LAMC2: variants seen among roughly 807,000 people sequenced by gnomAD.
LAMC2 encodes the protein laminin subunit gamma-2.
LAMC2 carries 97 observed loss-of-function variants against 140.2 expected under a neutral mutation model. The observed-to-expected ratio is 0.69, with a 90% CI of 0.59 to 0.82. The LOEUF (loss-of-function observed/expected upper bound fraction) is 0.82, where lower values mean the gene tolerates loss of function less well. Among genes scored for constraint, LAMC2 ranks in the 40% least tolerant of loss-of-function variants. The pLI is 0.00. For missense variants in LAMC2, 1,402 were observed against 1,476.1 expected, an observed-to-expected ratio of 0.95 and a Z score of 0.82; for synonymous variants, 513 against 540.2, an observed-to-expected ratio of 0.95 and a Z score of 0.70.
At position 183,228,380 on chromosome 1, in the gene LAMC2, G is replaced by T; in HGVS notation, c.1475G>T (p.Arg492Leu). The change falls in exon 11 of 23, where the codon CGC becomes CTC. Residue 492 changes from arginine (R) to leucine (L), a missense_variant. By Grantham distance (102) the Arg-to-Leu change is moderately radical. This residue lies in a region of LAMC2 where 723 missense variants were observed against 783.3 expected (regional missense o/e 0.92). Coordinates refer to ENST00000264144, the MANE Select transcript of LAMC2 (RefSeq NM_005562.3). The surrounding 1 kb of genome is among the most constrained non-coding windows in gnomAD (Gnocchi z 4.3). ...GTCATTTGTTCCTTCCCAGGTGCCC[G>T]CTGTGAGCTCTGTGCTGATGGCTAC... ...NNCPPGVTGA[R>L]CELCADGYFG... is the part of the protein sequence containing the mutation. The T allele has an allele frequency of 1.9e-6, 3 of 1,614,084 alleles. No individual in the cohort carries two copies. The highest frequency in any genetic ancestry group is 2.5e-6 in the Non-Finnish European group (3 of 1,180,018).
chr1:183,255,190 C>T, the LAMC2 span, among the ~76,000 whole-genome samples: 1 of 152,058 alleles, frequency 6.6e-6, no homozygotes, highest in Non-Finnish European at 1.5e-5. Context: ...CTTTATTGTG[C>T]TTTTTTGGTA....
At chr1:183,212,144 A>G (rs1443034977) in intron 2 of LAMC2, among the ~76,000 whole-genome samples, 1 of 152,208 alleles carries the variant, frequency 6.6e-6, no homozygotes, top group Admixed American at 6.5e-5. Context: ...CTGAAAAACT[A>G]CTGCAGGGAG....
intron 5 of LAMC2, 94 bp from the exon 6 acceptor site, chr1:183,221,995 C>A: frequency 6.7e-7 from 1 of 1,483,912 alleles, no homozygotes; most frequent in Non-Finnish European, 9.4e-7. Flanking sequence ...TTTCTACTCA[C>A]CACTAGGACT....
chr1:183,239,679 C>A, intron 20 of LAMC2, 116 bp downstream of exon 20: 1 of 838,854 alleles, frequency 1.2e-6, no homozygotes, highest in Non-Finnish European at 1.9e-6. Context: ...CCTGTTGTGG[C>A]CCATGGGAGC....
chr1:183,228,693 G>C lies in LAMC2; in HGVS notation c.1714+74G>C. 6.3e-7 allele frequency: 1 copy of C among 1,577,630 alleles called. No homozygotes were observed. ...ATGCACTTGCTTGCCATCTAAGCAG[G>C]GACAATGGCAGTTCATATCATGATG... is the stretch of plus-strand genomic sequence containing the variant. On this transcript the variant is annotated intron_variant, in intron 11 of 22. Coordinates refer to ENST00000264144, the MANE Select transcript of LAMC2 (RefSeq NM_005562.3). This position sits in a 1 kb window ranked among gnomAD's most constrained non-coding sequence, Gnocchi z 4.3.
At position 183,232,802 on chromosome 1, in the gene LAMC2, T is replaced by G; in HGVS notation, c.2165T>G (p.Leu722Arg). The G allele has an allele frequency of 6.2e-7, 1 of 1,614,170 alleles. No individual in the cohort carries two copies. Among genetic ancestry groups the G allele is most frequent in the Non-Finnish European group, 8.5e-7 (1 of 1,180,014 alleles). ...AACCGAGTTCGGGATACTCACAGGCTCATCACTCAGATGCAGCTGAGCCTG... is the reference window on the plus strand; with the variant it reads ...AACCGAGTTCGGGATACTCACAGGCGCATCACTCAGATGCAGCTGAGCCTG... ...YQNRVRDTHRLITQMQLSLAE... is the reference protein window; with the variant it reads ...YQNRVRDTHRRITQMQLSLAE... Residue 722 changes from leucine (L) to arginine (R), a missense_variant, in exon 14 of 23, where the codon CTC becomes CGC. By Grantham distance (102) the Leu-to-Arg change is moderately radical. Transcript: ENST00000264144.
At position 183,225,664 on chromosome 1, in the gene LAMC2, G is replaced by A. The variant is rs34076098; in HGVS notation, c.1010G>A (p.Arg337Gln). Reference sequence around the variant, plus strand: ...CCCCAGCTGAGTTACTTTGAGTATCGAAGGTTACTGCGGAATCTCACAGCC... The same window carrying A: ...CCCCAGCTGAGTTACTTTGAGTATCAAAGGTTACTGCGGAATCTCACAGCC... ...WSPQLSYFEY[R>Q]RLLRNLTALR... Residue 337 changes from arginine (R) to glutamine (Q), a missense_variant, in exon 8 of 23, where the codon CGA becomes CAA. Physicochemically the swap from Arg to Gln is conservative, Grantham distance 43. Around this residue, in one of 3 missense-constraint regions of LAMC2, gnomAD observed 723 missense variants for 783.3 expected, o/e 0.92. Coordinates refer to ENST00000264144, the MANE Select transcript of LAMC2 (RefSeq NM_005562.3). 63 of 1,614,022 alleles carry A rather than the reference G, an allele frequency of 3.9e-5. No individual in the cohort carries two copies. The highest frequency in any genetic ancestry group is 1.6e-4 in the East Asian group (7 of 44,884).
At chr1:183,197,852 G>A (rs1189119804) in intron 1 of LAMC2, among the ~76,000 whole-genome samples, 1 of 152,102 alleles carries the variant, frequency 6.6e-6, no homozygotes, top group African/African-American at 2.4e-5. Flanking sequence ...GGGAGACTCA[G>A]ACTGAGACGT....
At chr1:183,212,545 A>G (rs1333682505) in intron 2 of LAMC2, among the ~76,000 whole-genome samples, 1 of 152,038 alleles carries the variant, frequency 6.6e-6, no homozygotes, top group Non-Finnish European at 1.5e-5. Context: ...ATCCTCTCTT[A>G]ATAGATGGGC....
At chr1:183,237,013 C>G (rs181295184) in intron 17 of LAMC2, among the ~76,000 whole-genome samples, 3 of 152,186 alleles carry the variant, frequency 2.0e-5, no homozygotes, top group Admixed American at 2.0e-4. Flanking sequence ...CAATTCCAAA[C>G]TTATTCGATT....
chr1:183,197,347 T>C (rs1444416312), intron 1 of LAMC2, among the ~76,000 whole-genome samples: 2 of 152,044 alleles, frequency 1.3e-5, no homozygotes, highest in South Asian at 2.1e-4. Flanking sequence ...TTTAAACAGG[T>C]TTTGTGTAAA....
rs141948501 is a variant in LAMC2, at chr1:183,210,202, T to G, written c.268+2133T>G. On this transcript the variant is annotated intron_variant, in intron 2 of 22. Transcript: ENST00000264144. ...AGTAAGAGTTCAGGACCAGGTTTGTTGACATCAAAGGTAATAATGTAGAGT... is the reference window on the plus strand; with the variant it reads ...AGTAAGAGTTCAGGACCAGGTTTGTGGACATCAAAGGTAATAATGTAGAGT... Among the ~76,000 whole-genome samples, 738 of 152,228 alleles carry G rather than the reference T, an allele frequency of 4.8e-3. 6 individuals are homozygous for G. Among genetic ancestry groups the G allele is most frequent in the Middle Eastern group, 0.044 (13 of 294 alleles).
Position 183,225,622 on chromosome 1 carries a change from C to A in LAMC2, c.968C>A (p.Pro323Gln). Residue 323 changes from proline to glutamine, a missense_variant, in exon 8 of 23, where the codon CCA becomes CAA. By Grantham distance (76) the Pro-to-Gln change is moderately conservative. This residue lies in a region of LAMC2 where 723 missense variants were observed against 783.3 expected (regional missense o/e 0.92). Coordinates refer to ENST00000264144, the MANE Select transcript of LAMC2 (RefSeq NM_005562.3). ...AAATTATGCAGGTTAAATGAGCATC[C>A]AAGCAATAATTGGAGCCCCCAGCTG... Reference protein sequence around the residue: ...KTYTFRLNEHPSNNWSPQLSY... With the variant: ...KTYTFRLNEHQSNNWSPQLSY... The A allele has an allele frequency of 6.2e-7, 1 of 1,612,636 alleles. No homozygotes were observed. The highest frequency in any genetic ancestry group is 8.5e-7 in the Non-Finnish European group (1 of 1,178,658).
intron 19 of LAMC2, among the ~76,000 whole-genome samples, chr1:183,238,702 C>T (rs894012584): frequency 6.6e-6 from 1 of 152,208 alleles, no homozygotes; most frequent in Non-Finnish European, 1.5e-5. Context: ...CTTTCCAGAA[C>T]CTAGTATCTT....
downstream of LAMC2, among the ~76,000 whole-genome samples, chr1:183,246,118 C>G (rs1313366839): frequency 1.4e-5 from 2 of 145,978 alleles, no homozygotes; most frequent in Non-Finnish European, 3.0e-5. Context: ...TGCAGTGAGC[C>G]AAGCTCATGC....
rs539826838 is a variant in LAMC2 at position 183,191,570 on chromosome 1, G to A, written c.79+5139G>A. On this transcript the variant is annotated intron_variant, in intron 1 of 22. Transcript: ENST00000264144. Reference sequence around the variant, plus strand: ...CTTGAATCATCTATTAGAGATCAGTGTAGAGGGCTGGGTGCGGTGGCTCAT... The same window carrying A: ...CTTGAATCATCTATTAGAGATCAGTATAGAGGGCTGGGTGCGGTGGCTCAT... Among the ~76,000 whole-genome samples the A allele has an allele frequency of 9.3e-5, 14 of 150,326 alleles. No homozygotes were observed. In the East Asian group the frequency reaches 2.5e-3, roughly 27 times the overall value.
intron 22 of LAMC2, 65 bp from the exon 23 acceptor site, chr1:183,243,082 C>CG: frequency 6.3e-7 from 1 of 1,581,660 alleles, no homozygotes. Context: ...TAGAAGGGCA[C>CG]GGGTGTTCAA....
intron 5 of LAMC2, among the ~76,000 whole-genome samples, chr1:183,221,753 A>C (rs80113881): frequency 6.6e-6 from 1 of 151,250 alleles, no homozygotes; most frequent in Non-Finnish European, 1.5e-5. Flanking sequence ...TGAAAAAAAA[A>C]TGAAAAGACT....
chr1:183,194,295 G>A (rs657869), intron 1 of LAMC2, among the ~76,000 whole-genome samples: 12 of 150,384 alleles, frequency 8.0e-5, no homozygotes, highest in African/African-American at 2.9e-4. Flanking sequence ...ATAAATGCAC[G>A]CCATGCATAT....
Sources: gnomAD v4.1 joint callset for allele counts (sites outside exome capture counted in the v4.1 genomes callset) on GRCh38, gnomAD v4.1.1 for gene constraint, gnomAD v4.1.1 regional missense constraint, Gnocchi (gnomAD v3.1) non-coding constraint, MANE v1.5 for transcripts, NCBI Gene and HGNC (gene_info 2026-07-23, HGNC 2026-07-21) for gene names.